Variants in CFAP221 observed in about 807,000 individuals in gnomAD.
CFAP221 encodes cilia- and flagella-associated protein 221.
In CFAP221, 97 loss-of-function variants were observed where a neutral mutation model predicts 113.1. The observed-to-expected ratio is 0.86, with a 90% CI of 0.73 to 1.02. The LOEUF (loss-of-function observed/expected upper bound fraction) is 1.02. CFAP221 is among the 50% of genes least tolerant of loss of function. The pLI is 0.00. For synonymous variants in CFAP221, 331 were observed against 354.4 expected (o/e 0.93, Z 0.74); for missense variants, 1,025 against 1,013.4 (o/e 1.01, Z -0.16).
At chr2:119,592,353 G>A (rs1311422708) in intron 7 of CFAP221, among the ~76,000 whole-genome samples, 1 of 152,204 alleles carries the variant, frequency 6.6e-6, no homozygotes, top group Non-Finnish European at 1.5e-5. Flanking sequence ...GGCATTAAGA[G>A]GTCAGAGCCA....
At chr2:119,652,522 A>G (rs1688188608) in intron 23 of CFAP221, among the ~76,000 whole-genome samples, 2 of 152,216 alleles carry the variant, frequency 1.3e-5, no homozygotes, top group Admixed American at 6.5e-5. Context: ...TAAGGATGAA[A>G]TGAGATGCCA....
chr2:119,652,129 A>G, intron 23 of CFAP221, 60 bp downstream of exon 23: 1 of 1,321,098 alleles, frequency 7.6e-7, no homozygotes, highest in Middle Eastern at 1.8e-4. Flanking sequence ...TGTTCTGCAT[A>G]AAGTACAAAA....
chr2:119,648,296 T>C (rs978028976), intron 22 of CFAP221: 1 of 155,638 alleles, frequency 6.4e-6, no homozygotes, highest in South Asian at 1.9e-4. Flanking sequence ...AGAAGATACA[T>C]GGTTAGATTT....
chr2:119,545,666 A>G (rs115965013), intron 1 of CFAP221, among the ~76,000 whole-genome samples: 2,691 of 152,324 alleles, frequency 0.018, 30 homozygotes, highest in Non-Finnish European at 0.025. Context: ...ATAGTCAAAT[A>G]TTCTAAGAAA....
Position 119,583,400 on chromosome 2 carries a change from T to TC in CFAP221, c.528-3719_528-3718insC, listed in dbSNP as rs1337773863. On this transcript the variant is annotated intron_variant, in intron 6 of 23. Transcript: ENST00000413369. Reference sequence around the variant, plus strand: ...AAGTAAATAGGAAATAGTCTCTTTTTTTTTTTTTTTTTTTTAGATTTTATG... The same window carrying TC: ...AAGTAAATAGGAAATAGTCTCTTTTTCTTTTTTTTTTTTTTTAGATTTTATG... Among the ~76,000 whole-genome samples, 18 of 149,632 alleles carry TC rather than the reference T, an allele frequency of 1.2e-4. No homozygotes were observed. In the South Asian group the frequency reaches 2.5e-3, roughly 21 times the overall value.
chr2:119,596,638 G>C (rs148776413), intron 7 of CFAP221, among the ~76,000 whole-genome samples: 4 of 152,154 alleles, frequency 2.6e-5, no homozygotes, highest in Non-Finnish European at 5.9e-5. Context: ...CACTTATTTC[G>C]AGTTCCAGTC....
Position 119,574,521 on chromosome 2 carries a change from T to C in CFAP221, c.527+12407T>C, listed in dbSNP as rs1042505327. ...TTCCTGGAAGGAGCAAAGGTGACAG[T>C]TGTGGATGGTTTTTGGCCCTGGAGA... On this transcript the variant is annotated intron_variant, in intron 6 of 23. Transcript: ENST00000413369. 4.6e-5 allele frequency among the ~76,000 whole-genome samples: 7 copies of C among 152,158 alleles called. No homozygotes were observed. The South Asian group carries it at 1.5e-3, about 32-fold the overall frequency.
At chr2:119,571,575 C>T (rs1182653420) in intron 6 of CFAP221, among the ~76,000 whole-genome samples, 2 of 152,202 alleles carry the variant, frequency 1.3e-5, no homozygotes, top group African/African-American at 4.8e-5. Context: ...CCACCTCAGC[C>T]TCCTGAGTAG....
intron 14 of CFAP221, among the ~76,000 whole-genome samples, chr2:119,624,458 G>A (rs1686154094): frequency 6.6e-6 from 1 of 152,206 alleles, no homozygotes; most frequent in Non-Finnish European, 1.5e-5. Flanking sequence ...GGAAGACAGT[G>A]TGGCAATTCC....
At chr2:119,586,983 G>T in intron 6 of CFAP221, 136 bp from the exon 7 acceptor site, 1 of 581,186 alleles carries the variant, frequency 1.7e-6, no homozygotes, top group Non-Finnish European at 2.9e-6. Context: ...GTTACTCCTG[G>T]CACACAGGAA....
At chr2:119,568,767 T>A (rs1328688482) in intron 6 of CFAP221, among the ~76,000 whole-genome samples, 1 of 152,212 alleles carries the variant, frequency 6.6e-6, no homozygotes, top group Non-Finnish European at 1.5e-5. Context: ...TGATTCCATG[T>A]CTTCGTTATT....
At chr2:119,624,551 C>A (rs1686159666) in intron 14 of CFAP221, among the ~76,000 whole-genome samples, 1 of 152,178 alleles carries the variant, frequency 6.6e-6, no homozygotes, top group South Asian at 2.1e-4. Context: ...AATCATTCTA[C>A]TATAAAGACA....
At chr2:119,557,086 G>A (rs1230371335) in intron 3 of CFAP221, 2 of 152,172 alleles carry the variant, frequency 1.3e-5, no homozygotes, top group Admixed American at 1.3e-4. Context: ...GAAAAATGGA[G>A]CGAACCCAGC....
chr2:119,604,617 A>G, intron 8 of CFAP221, 55 bp from the exon 9 acceptor site: 1 of 1,448,710 alleles, frequency 6.9e-7, no homozygotes, highest in Non-Finnish European at 9.1e-7. Context: ...ATAAAACATT[A>G]GGAACCTTGA....
intron 6 of CFAP221, among the ~76,000 whole-genome samples, chr2:119,584,400 A>T (rs910025184): frequency 1.3e-5 from 2 of 152,166 alleles, no homozygotes; most frequent in Non-Finnish European, 2.9e-5. Context: ...AAGCCTGGGC[A>T]ACATAGTGGG....
chr2:119,659,217 A>C (rs539784002), downstream of CFAP221, among the ~76,000 whole-genome samples: 2 of 152,320 alleles, frequency 1.3e-5, no homozygotes, highest in Non-Finnish European at 2.9e-5. Context: ...CTTGCGAGAA[A>C]CACATTTACT....
At chr2:119,613,676 T>C (rs1289373888) in intron 13 of CFAP221, among the ~76,000 whole-genome samples, 1 of 152,114 alleles carries the variant, frequency 6.6e-6, no homozygotes, top group Non-Finnish European at 1.5e-5. Flanking sequence ...CACAAAACCA[T>C]TTTTCCCTCC....
chr2:119,563,051 G>T (rs1681369076), intron 6 of CFAP221, among the ~76,000 whole-genome samples: 1 of 152,212 alleles, frequency 6.6e-6, no homozygotes, highest in Admixed American at 6.5e-5. Flanking sequence ...CTACTTGGTA[G>T]GCTGAGGCAG....
At chr2:119,559,853 G>A in intron 4 of CFAP221, 75 bp from the exon 5 acceptor site, 1 of 1,471,860 alleles carries the variant, frequency 6.8e-7, no homozygotes, top group South Asian at 1.2e-5. Flanking sequence ...GGGGGTGTGT[G>A]GTGTGTTGTC....
Sources: gnomAD v4.1 joint callset for allele counts (sites outside exome capture counted in the v4.1 genomes callset) on GRCh38, gnomAD v4.1.1 for gene constraint, MANE v1.5 for transcripts, NCBI Gene and HGNC (gene_info 2026-07-23, HGNC 2026-07-21) for gene names.